Variants in GRM8 observed in about 807,000 individuals in gnomAD.
The protein encoded by GRM8 is glutamate metabotropic receptor 8, also known as metabotropic glutamate receptor 8.
A neutral mutation model predicts 87.2 loss-of-function variants in GRM8; 47 were observed. The ratio of observed to expected loss-of-function variants is 0.54; its 90% CI spans 0.43 to 0.69. GRM8 has a LOEUF of 0.69. Among genes scored for constraint, GRM8 ranks in the 30% least tolerant of loss-of-function variants. The pLI is 0.00. For missense variants in GRM8, 1,019 were observed against 1,139.2 expected (o/e 0.89, Z 1.52); for synonymous variants, 396 against 404.5 (o/e 0.98, Z 0.25).
chr7:126,753,283 T>G (rs191301898), intron 7 of GRM8, among the ~76,000 whole-genome samples: 5 of 151,786 alleles, frequency 3.3e-5, no homozygotes, highest in African/African-American at 1.2e-4. Context: ...TATTTAAATT[T>G]TATATATATA....
chr7:127,077,177 T>C (rs1822369236), intron 3 of GRM8, among the ~76,000 whole-genome samples: 1 of 152,226 alleles, frequency 6.6e-6, no homozygotes. Flanking sequence ...GCAGGGCAAC[T>C]GTGCTGGAAT....
chr7:126,522,382 G>C (rs1813113768), intron 9 of GRM8, among the ~76,000 whole-genome samples: 1 of 152,020 alleles, frequency 6.6e-6, no homozygotes, highest in African/African-American at 2.4e-5. Context: ...AAATATAATG[G>C]TACTGAGAAC....
At chr7:126,982,370 A>C (rs1440651343) in intron 3 of GRM8, among the ~76,000 whole-genome samples, 2 of 152,198 alleles carry the variant, frequency 1.3e-5, no homozygotes, top group African/African-American at 4.8e-5. Context: ...CCTTCAATCC[A>C]ATCAAGTTGA....
intron 9 of GRM8, among the ~76,000 whole-genome samples, chr7:126,483,740 T>A (rs1433782408): frequency 2.6e-5 from 2 of 76,948 alleles, no homozygotes; most frequent in Admixed American, 1.3e-4. Flanking sequence ...ACCCTTAGTA[T>A]TTCCCTCCCT....
intron 3 of GRM8, among the ~76,000 whole-genome samples, chr7:126,985,564 A>G (rs1323859436): frequency 2.6e-5 from 4 of 152,182 alleles, no homozygotes; most frequent in African/African-American, 9.7e-5. Context: ...TATTTCTTAC[A>G]GTTATGGAGG....
At chr7:126,789,560 C>T (rs537192015) in intron 6 of GRM8, among the ~76,000 whole-genome samples, 42 of 152,096 alleles carry the variant, frequency 2.8e-4, no homozygotes, top group African/African-American at 8.7e-4. Flanking sequence ...ATGTTAAAAC[C>T]CCATAGAGCA....
chr7:127,146,892 C>A (rs1158506036), intron 2 of GRM8, among the ~76,000 whole-genome samples: 1 of 152,016 alleles, frequency 6.6e-6, no homozygotes, highest in African/African-American at 2.4e-5. Context: ...CCCCTGTCAC[C>A]TCTTCAACTC....
chr7:126,746,105 A>G (rs1815640945), intron 7 of GRM8, among the ~76,000 whole-genome samples: 1 of 151,834 alleles, frequency 6.6e-6, no homozygotes, highest in Non-Finnish European at 1.5e-5. Flanking sequence ...CAAATGAAGT[A>G]CATTCATTTT....
intron 3 of GRM8, among the ~76,000 whole-genome samples, chr7:126,923,062 A>G (rs1441192465): frequency 1.3e-5 from 2 of 152,232 alleles, no homozygotes; most frequent in Non-Finnish European, 2.9e-5. Flanking sequence ...TACAGAGGAA[A>G]AAAGAGTTTA....
At chr7:127,093,447 T>G (rs948430589) in intron 3 of GRM8, among the ~76,000 whole-genome samples, 13 of 152,338 alleles carry the variant, frequency 8.5e-5, no homozygotes, top group Non-Finnish European at 1.6e-4. Context: ...ACAGTGGTTG[T>G]CCTCCATGAT....
intron 7 of GRM8, among the ~76,000 whole-genome samples, chr7:126,732,282 A>C (rs1288269796): frequency 6.6e-6 from 1 of 152,152 alleles, no homozygotes; most frequent in Non-Finnish European, 1.5e-5. Flanking sequence ...ATCTGTTATA[A>C]AAGTTAAAAG....
At chr7:127,133,289 G>A (rs1587103652) in intron 2 of GRM8, among the ~76,000 whole-genome samples, 1 of 151,892 alleles carries the variant, frequency 6.6e-6, no homozygotes, top group Non-Finnish European at 1.5e-5. Context: ...ATGGTGGCGG[G>A]TGCCTGTAAT....
intron 8 of GRM8, among the ~76,000 whole-genome samples, chr7:126,604,293 A>C (rs143421424): frequency 5.4e-4 from 82 of 152,274 alleles, no homozygotes; most frequent in African/African-American, 1.9e-3. Context: ...TTTTTTAAAT[A>C]TCAAAACAAA....
At chr7:126,675,460 A>C (rs1447708625) in intron 7 of GRM8, among the ~76,000 whole-genome samples, 2 of 152,332 alleles carry the variant, frequency 1.3e-5, no homozygotes, top group African/African-American at 4.8e-5. Flanking sequence ...ATAGGTCACT[A>C]TCCCTGATGA....
chr7:127,115,632 T>C (rs527289256), intron 2 of GRM8, among the ~76,000 whole-genome samples: 6 of 152,270 alleles, frequency 3.9e-5, no homozygotes, highest in Admixed American at 6.5e-5. Flanking sequence ...CAACCATAAT[T>C]TTACCCCATA....
At chr7:126,920,626 A>C (rs1465072159) in intron 3 of GRM8, among the ~76,000 whole-genome samples, 1 of 152,116 alleles carries the variant, frequency 6.6e-6, no homozygotes, top group Non-Finnish European at 1.5e-5. Flanking sequence ...GAAAATCTCT[A>C]AAGTCCCTTC....
intron 6 of GRM8, among the ~76,000 whole-genome samples, chr7:126,882,042 G>A (rs1396272714): frequency 6.6e-6 from 1 of 152,172 alleles, no homozygotes; most frequent in Non-Finnish European, 1.5e-5. Flanking sequence ...GGATTTGGCA[G>A]GCAGACAATT....
chr7:126,926,303 CA>C (rs1480070100), intron 3 of GRM8, among the ~76,000 whole-genome samples: 1 of 152,104 alleles, frequency 6.6e-6, no homozygotes, highest in Non-Finnish European at 1.5e-5. Context: ...ATTTTTGCAG[CA>C]ATATCTTTGA....
chr7:126,873,377 A>C (rs2130918776), intron 6 of GRM8, among the ~76,000 whole-genome samples: 1 of 152,184 alleles, frequency 6.6e-6, no homozygotes, highest in Non-Finnish European at 1.5e-5. Context: ...GAAGGAAAAA[A>C]CGGTTGATGC....
Sources: allele counts gnomAD v4.1 joint callset (sites outside exome capture counted in the v4.1 genomes callset), GRCh38; gene constraint gnomAD v4.1.1; transcripts MANE v1.5; gene names NCBI Gene and HGNC (gene_info 2026-07-23, HGNC 2026-07-21).